FCHO2: variants seen among roughly 807,000 people sequenced by gnomAD.
FCHO2 encodes FCH and mu domain containing endocytic adaptor 2.
Under a neutral mutation model 114.1 loss-of-function variants are expected in FCHO2, and 43 were observed. That is an observed-to-expected ratio of 0.38 (90% CI 0.30 to 0.49). The LOEUF (loss-of-function observed/expected upper bound fraction) is 0.49. Ranked by LOEUF, FCHO2 falls within the 20% of genes least tolerant of loss-of-function variation. The probability of loss-of-function intolerance (pLI) is 0.97; values close to 1 mark genes in which losing one functional copy is unlikely to be tolerated. For synonymous variants in FCHO2, 293 were observed against 315.2 expected (o/e 0.93, Z 0.75); for missense variants, 807 against 950.4 (o/e 0.85, Z 1.98).
intron 18 of FCHO2, among the ~76,000 whole-genome samples, chr5:73,066,612 T>C (rs1224875066): frequency 6.8e-6 from 1 of 146,598 alleles, no homozygotes; most frequent in East Asian, 2.0e-4. Context: ...CATATGTGCA[T>C]TTTTCTGGAG....
Position 73,063,891 on chromosome 5 carries a change from C to G in FCHO2, c.1396C>G (p.Pro466Ala), listed in dbSNP as rs1259072880. Reference sequence around the variant, plus strand: ...AGGCACCATTGTCCCACCTCCGAGGCCTGCTTCCAGACCAAAGCTTACTTC... The same window carrying G: ...AGGCACCATTGTCCCACCTCCGAGGGCTGCTTCCAGACCAAAGCTTACTTC... ...SVGTIVPPPR[P>A]ASRPKLTSGK... Residue 466 changes from proline (P) to alanine (A), a missense_variant, in exon 18 of 26, where the codon CCT becomes GCT. Physicochemically the swap from Pro to Ala is conservative, Grantham distance 27. Coordinates refer to ENST00000430046, the MANE Select transcript of FCHO2 (RefSeq NM_138782.3). The G allele has an allele frequency of 6.2e-7, 1 of 1,612,134 alleles. No individual in the cohort carries two copies.
chr5:72,977,015 C>T (rs1484980314), intron 2 of FCHO2, among the ~76,000 whole-genome samples: 5 of 152,114 alleles, frequency 3.3e-5, no homozygotes, highest in Non-Finnish European at 7.3e-5. Flanking sequence ...TTTCTTTATC[C>T]AGTCTGTGAT....
At chr5:73,036,602 C>T (rs929980570) in intron 9 of FCHO2, among the ~76,000 whole-genome samples, 2 of 152,050 alleles carry the variant, frequency 1.3e-5, no homozygotes, top group Admixed American at 6.6e-5. Flanking sequence ...TCTTGAACTT[C>T]TGAGTTCAAG....
chr5:72,984,543 A>C (rs965680588), intron 2 of FCHO2, among the ~76,000 whole-genome samples: 1 of 152,228 alleles, frequency 6.6e-6, no homozygotes, highest in Non-Finnish European at 1.5e-5. Context: ...TAAATTACAT[A>C]TTTAATTTCT....
At chr5:72,978,703 G>C (rs1166237760) in intron 2 of FCHO2, among the ~76,000 whole-genome samples, 1 of 152,172 alleles carries the variant, frequency 6.6e-6, no homozygotes, top group Non-Finnish European at 1.5e-5. Context: ...CAAAGGGAAT[G>C]CTTCCAGTTA....
intron 20 of FCHO2, among the ~76,000 whole-genome samples, chr5:73,075,657 G>T (rs773981529): frequency 6.6e-6 from 1 of 152,096 alleles, no homozygotes; most frequent in African/African-American, 2.4e-5. Context: ...CAGAGGGTGC[G>T]GTGGGCAGTC....
At chr5:73,085,682 C>T (rs956575343) in intron 24 of FCHO2, among the ~76,000 whole-genome samples, 1 of 150,742 alleles carries the variant, frequency 6.6e-6, no homozygotes, top group Non-Finnish European at 1.5e-5. Context: ...GGCTGAGGCA[C>T]GAGTCTAGCT....
chr5:73,051,860 C>G (rs1757354029), intron 12 of FCHO2, among the ~76,000 whole-genome samples: 1 of 151,732 alleles, frequency 6.6e-6, no homozygotes, highest in African/African-American at 2.4e-5. Context: ...GTGAGCTAAC[C>G]CGACTGGCCT....
chr5:73,058,626 T>A (rs1757711705), intron 17 of FCHO2, 102 bp downstream of exon 17: 1 of 485,770 alleles, frequency 2.1e-6, no homozygotes, highest in African/African-American at 2.0e-5. Context: ...TCAAAATTTC[T>A]AAAAATTTGT....
At chr5:73,027,454 A>G (rs896299007) in intron 8 of FCHO2, among the ~76,000 whole-genome samples, 1 of 149,146 alleles carries the variant, frequency 6.7e-6, no homozygotes, top group African/African-American at 2.5e-5. Context: ...TTTATGTGTT[A>G]TGCTTTTGTG....
intron 5 of FCHO2, chr5:72,997,425 T>C (rs1050946106): frequency 2.5e-6 from 4 of 1,599,764 alleles, no homozygotes; most frequent in Admixed American, 3.3e-5. Context: ...ATCAAGGACC[T>C]CTCTTTGGTC....
At chr5:73,074,909 G>A (rs1561495075) in intron 20 of FCHO2, 56 bp downstream of exon 20, 1 of 1,370,720 alleles carries the variant, frequency 7.3e-7, no homozygotes, top group Non-Finnish European at 1.0e-6. Context: ...GGTGGAGGAG[G>A]TGGTGGGGCT....
chr5:73,043,207 C>T (rs890401405), intron 11 of FCHO2, among the ~76,000 whole-genome samples: 3 of 152,090 alleles, frequency 2.0e-5, no homozygotes, highest in Non-Finnish European at 4.4e-5. Context: ...GCTGGGATTA[C>T]AGGTGTGAAC....
intron 19 of FCHO2, among the ~76,000 whole-genome samples, chr5:73,072,771 C>T (rs915862717): frequency 2.6e-5 from 4 of 151,816 alleles, no homozygotes; most frequent in Non-Finnish European, 5.9e-5. Flanking sequence ...ATAGGGTTTC[C>T]GTTTTATAAG....
At chr5:73,078,445 T>C in intron 22 of FCHO2, 133 bp downstream of exon 22, 2 of 863,292 alleles carry the variant, frequency 2.3e-6, no homozygotes, top group South Asian at 3.6e-5. Flanking sequence ...AATTAGAAAA[T>C]CTGTTTATAA....
At chr5:73,033,774 C>G (rs1756357032) in intron 8 of FCHO2, among the ~76,000 whole-genome samples, 1 of 152,062 alleles carries the variant, frequency 6.6e-6, no homozygotes, top group Non-Finnish European at 1.5e-5. Context: ...GAGAGTAATT[C>G]ATGTTTTGCT....
chr5:72,970,556 AATGACTCCAC>A (rs1473065977), intron 2 of FCHO2, among the ~76,000 whole-genome samples: 2 of 151,800 alleles, frequency 1.3e-5, no homozygotes, highest in African/African-American at 4.8e-5. Flanking sequence ...ATATTCCTAA[AATGACTCCAC>A]ATTTATATTT....
chr5:73,056,486 C>T (rs942224448), intron 16 of FCHO2, among the ~76,000 whole-genome samples: 5 of 151,584 alleles, frequency 3.3e-5, no homozygotes, highest in Admixed American at 6.6e-5. Flanking sequence ...ATCCTTTTGT[C>T]TTTTTTTCTA....
chr5:73,064,490 CT>C (rs1305021612), intron 18 of FCHO2, among the ~76,000 whole-genome samples: 1 of 151,980 alleles, frequency 6.6e-6, no homozygotes, highest in Admixed American at 6.6e-5. Flanking sequence ...GTCTATTTGC[CT>C]TTGATCTGGT....
Sources: allele counts gnomAD v4.1 joint callset (sites outside exome capture counted in the v4.1 genomes callset), GRCh38; gene constraint gnomAD v4.1.1; transcripts MANE v1.5; gene names NCBI Gene and HGNC (gene_info 2026-07-23, HGNC 2026-07-21).